CPNE4: variants seen among roughly 807,000 people sequenced by gnomAD.
CPNE4 encodes the protein copine 4.
A neutral mutation model predicts 67.9 loss-of-function variants in CPNE4; 25 were observed. The observed-to-expected ratio is 0.37, with a 90% CI of 0.27 to 0.51. CPNE4 has a LOEUF of 0.51. CPNE4 is among the 20% of genes least tolerant of loss of function. The pLI, the probability that CPNE4 is intolerant of heterozygous loss-of-function variation, is 0.93. For synonymous variants in CPNE4, 242 were observed against 244.9 expected, an observed-to-expected ratio of 0.99 and a Z score of 0.11; for missense variants, 464 against 690.8, an observed-to-expected ratio of 0.67 and a Z score of 3.68.
intron 2 of CPNE4, among the ~76,000 whole-genome samples, chr3:131,811,684 G>C (rs2084532214): frequency 1.3e-5 from 2 of 152,110 alleles, no homozygotes; most frequent in Admixed American, 1.3e-4. Flanking sequence ...CAGCGGGAGG[G>C]CATTATGTAG....
At chr3:131,687,917 GAC>G (rs1393503725) in intron 5 of CPNE4, among the ~76,000 whole-genome samples, 1 of 152,190 alleles carries the variant, frequency 6.6e-6, no homozygotes, top group Non-Finnish European at 1.5e-5. Flanking sequence ...ATTTTTCACA[GAC>G]ATAGAGGGGG....
At chr3:131,718,306 A>T (rs1462109588) in intron 3 of CPNE4, among the ~76,000 whole-genome samples, 4 of 152,116 alleles carry the variant, frequency 2.6e-5, no homozygotes, top group Non-Finnish European at 5.9e-5. Flanking sequence ...TCTAATATAC[A>T]CATCCAATCT....
intron 3 of CPNE4, among the ~76,000 whole-genome samples, chr3:131,717,989 CTCTCTGTCTCTCTCTCTT>C (rs2081777790): frequency 6.8e-6 from 1 of 147,240 alleles, no homozygotes; most frequent in Admixed American, 6.8e-5. Flanking sequence ...CTCTCTCTCT[CTCTCTGTCTCTCTCTCTT>C]TCTTTCTTTC....
intron 8 of CPNE4, among the ~76,000 whole-genome samples, chr3:131,586,194 A>T (rs1938170169): frequency 6.6e-6 from 1 of 152,216 alleles, no homozygotes; most frequent in Admixed American, 6.5e-5. Context: ...AAAAGCACTG[A>T]GCCCTCTGCT....
intron 2 of CPNE4, among the ~76,000 whole-genome samples, chr3:131,748,561 C>T (rs1386319261): frequency 6.6e-6 from 1 of 151,962 alleles, no homozygotes; most frequent in East Asian, 1.9e-4. Flanking sequence ...GTGAAACCAT[C>T]TGGGATGGGA....
chr3:131,826,953 C>T (rs1376689261), intron 2 of CPNE4, among the ~76,000 whole-genome samples: 1 of 152,126 alleles, frequency 6.6e-6, no homozygotes, highest in Non-Finnish European at 1.5e-5. Context: ...GAGAGGATCA[C>T]TTGAGCCCAG....
chr3:131,872,359 C>G (rs771310556), intron 2 of CPNE4, among the ~76,000 whole-genome samples: 1 of 152,092 alleles, frequency 6.6e-6, no homozygotes, highest in Non-Finnish European at 1.5e-5. Flanking sequence ...AGTCTGACGA[C>G]CAGCTGGTCC....
Position 131,758,089 on chromosome 3 carries a change from G to A in CPNE4, c.181-34464C>T, listed in dbSNP as rs2082796995. Among the ~76,000 whole-genome samples, 3 of 152,178 alleles carry A rather than the reference G, an allele frequency of 2.0e-5. No individual in the cohort carries two copies. The South Asian group carries it at 6.2e-4, about 32-fold the overall frequency. On this transcript the variant is annotated intron_variant, in intron 2 of 15. Coordinates refer to ENST00000429747, the MANE Select transcript of CPNE4 (RefSeq NM_130808.3). ...TGGAAGGGAAACTTGGGGACACACA[G>A]AGTCCCTACTGGGGCACCACCTAGT...
intron 15 of CPNE4, among the ~76,000 whole-genome samples, chr3:131,539,703 G>T (rs1285469383): frequency 6.6e-6 from 1 of 152,180 alleles, no homozygotes; most frequent in Non-Finnish European, 1.5e-5. Context: ...GGGGAAGTGG[G>T]GAGGTGGGGG....
intron 2 of CPNE4, among the ~76,000 whole-genome samples, chr3:131,772,216 G>A (rs1224594049): frequency 6.6e-6 from 1 of 151,982 alleles, no homozygotes; most frequent in African/African-American, 2.4e-5. Flanking sequence ...AAGAAGAGAA[G>A]GCTACTTAGC....
intron 1 of CPNE4, among the ~76,000 whole-genome samples, chr3:132,005,134 G>T (rs975275888): frequency 4.0e-5 from 6 of 151,588 alleles, no homozygotes; most frequent in African/African-American, 1.5e-4. Context: ...AGAAAGCCTT[G>T]TTTTGAAATG....
intron 2 of CPNE4, among the ~76,000 whole-genome samples, chr3:131,904,958 T>C (rs1320579797): frequency 6.6e-6 from 1 of 152,112 alleles, no homozygotes; most frequent in African/African-American, 2.4e-5. Context: ...TTCACGTCTG[T>C]TCCTGGTCCT....
chr3:131,988,250 T>A (rs142816475), intron 1 of CPNE4, among the ~76,000 whole-genome samples: 238 of 152,246 alleles, frequency 1.6e-3, no homozygotes, highest in African/African-American at 5.5e-3. Context: ...AAGTGACAGT[T>A]AGCAGTAAAC....
At chr3:131,858,363 C>T (rs1040302654) in intron 2 of CPNE4, among the ~76,000 whole-genome samples, 2 of 151,808 alleles carry the variant, frequency 1.3e-5, no homozygotes, top group African/African-American at 4.8e-5. Context: ...TTAACTACTA[C>T]TCAAAAGACA....
intron 1 of CPNE4, among the ~76,000 whole-genome samples, chr3:132,011,244 GT>G (rs2073754023): frequency 6.6e-6 from 1 of 152,174 alleles, no homozygotes; most frequent in Admixed American, 6.5e-5. Context: ...TTAGAAAGGG[GT>G]TTGCTCAAAA....
chr3:131,941,802 G>A (rs1334282628), intron 1 of CPNE4, among the ~76,000 whole-genome samples: 2 of 151,948 alleles, frequency 1.3e-5, no homozygotes, highest in African/African-American at 4.8e-5. Context: ...ATGTTTTATT[G>A]TTTAATCTTA....
chr3:131,736,029 G>A (rs1307099621), intron 2 of CPNE4, among the ~76,000 whole-genome samples: 1 of 152,166 alleles, frequency 6.6e-6, no homozygotes. Context: ...TTTCTTCACA[G>A]CCTGGGGCAG....
intron 1 of CPNE4, among the ~76,000 whole-genome samples, chr3:131,929,312 C>T (rs1424187814): frequency 1.3e-5 from 2 of 151,914 alleles, no homozygotes; most frequent in African/African-American, 4.8e-5. Context: ...GAACAGATAC[C>T]ACCTTATTAC....
intron 2 of CPNE4, among the ~76,000 whole-genome samples, chr3:131,842,464 A>G (rs2085824954): frequency 6.6e-6 from 1 of 152,230 alleles, no homozygotes; most frequent in Admixed American, 6.5e-5. Flanking sequence ...GTGTAGTTAT[A>G]CAAGTACCCA....
Sources: gnomAD v4.1 joint callset for allele counts (sites outside exome capture counted in the v4.1 genomes callset) on GRCh38, gnomAD v4.1.1 for gene constraint, MANE v1.5 for transcripts, NCBI Gene and HGNC (gene_info 2026-07-23, HGNC 2026-07-21) for gene names.